EDA: variants seen among roughly 807,000 people sequenced by gnomAD.
EDA encodes ectodysplasin-A.
EDA carries 2 observed loss-of-function variants against 23.6 expected under a neutral mutation model. The observed-to-expected ratio is 0.08, with a 90% CI of 0.03 to 0.27. EDA has a LOEUF of 0.27. EDA is among the 10% of genes least tolerant of loss of function. EDA has a pLI of 1.00. For synonymous variants in EDA, 131 were observed against 132.0 expected (o/e 0.99, Z 0.05); for missense variants, 229 against 324.2 (o/e 0.71, Z 2.26).
chrX:69,882,637 T>C (rs184000462), intron 1 of EDA, among the ~76,000 whole-genome samples: 1 of 111,906 alleles, frequency 8.9e-6, no homozygotes, highest in East Asian at 2.8e-4. Context: ...CTAAAGTAAC[T>C]TCCAACTTAC....
intron 1 of EDA, among the ~76,000 whole-genome samples, chrX:69,718,265 T>A (rs2147339755): frequency 9.0e-6 from 1 of 111,539 alleles, no homozygotes; most frequent in Non-Finnish European, 1.9e-5. Flanking sequence ...GTTTTCTTTC[T>A]TTCTTTCTTT....
chrX:69,720,000 G>A (rs748398239), intron 1 of EDA, among the ~76,000 whole-genome samples: 81 of 110,484 alleles, frequency 7.3e-4, no homozygotes, highest in Non-Finnish European at 1.3e-3. Flanking sequence ...CGCCTGCCTC[G>A]GCCTCCCAAA....
In EDA at chrX:70,036,301, C is replaced by A. The variant is rs1242496503; in HGVS notation, c.*692C>A. 1.8e-5 allele frequency: 2 copies of A among 112,320 alleles called. No homozygotes were observed. Among genetic ancestry groups the A allele is most frequent in the African/African-American group, 3.3e-5 (1 of 30,751 alleles). 9.3% of individuals were successfully genotyped at this position (112,320 alleles called of 1,213,427 possible). A position where few individuals can be genotyped will look rare whatever the true frequency, so the allele number is the denominator to read the frequency against. On this transcript the variant is annotated 3_prime_UTR_variant, in exon 8 of 8. Transcript: ENST00000374552. The stretch of plus-strand genomic sequence containing the variant: ...ACAATCACAGGGAATGGCCACAAAC[C>A]TGCCCGCCTAAGACCCTGAATCCGT...
intron 1 of EDA, among the ~76,000 whole-genome samples, chrX:69,863,625 A>G (rs1343231349): frequency 1.4e-5 from 1 of 70,081 alleles, no homozygotes; most frequent in East Asian, 3.6e-4. Flanking sequence ...ATATGTGTGT[A>G]TTTATGTGTG....
rs1371450179 is a variant in EDA, at chrX:70,035,680, G to A, written c.*71G>A. On this transcript the variant is annotated 3_prime_UTR_variant, in exon 8 of 8. Coordinates refer to ENST00000374552, the MANE Select transcript of EDA (RefSeq NM_001399.5). ...GAGCCAGGACTCCCAGAACCTCTAA[G>A]TGCTGCTGTGGAGTGAGGTGTATTG... The A allele has an allele frequency of 8.7e-7, 1 of 1,146,818 alleles. No individual in the cohort carries two copies. Among genetic ancestry groups the A allele is most frequent in the African/African-American group, 1.8e-5 (1 of 54,375 alleles). The allele number at this position is 1,146,818 out of a possible 1,213,427, so 94.5% of individuals were successfully genotyped here.
At chrX:69,775,050 A>G (rs1421689354) in intron 1 of EDA, among the ~76,000 whole-genome samples, 6 of 111,894 alleles carry the variant, frequency 5.4e-5, no homozygotes, top group Non-Finnish European at 9.4e-5. Context: ...AAAAATCATT[A>G]TATGTGTATT....
At chrX:69,637,702 T>C (rs929820366) in intron 1 of EDA, among the ~76,000 whole-genome samples, 1 of 111,372 alleles carries the variant, frequency 9.0e-6, no homozygotes, top group Non-Finnish European at 1.9e-5. Context: ...AAAGATAATA[T>C]CGACTCTATA....
chrX:69,732,095 G>T (rs1451539032), intron 1 of EDA, among the ~76,000 whole-genome samples: 2 of 110,220 alleles, frequency 1.8e-5, no homozygotes, highest in Non-Finnish European at 3.8e-5. Context: ...TTTTATTGAA[G>T]ATTTATTTAT....
rs887867237 is a variant in EDA, at chrX:69,953,360, C to A, written c.397-3667C>A. ...ATCACAATGAAACAGTACTTCACAT[C>A]CACCAGAATGGTGGATTGATTAAAA... is the stretch of plus-strand genomic sequence containing the variant. On this transcript the variant is annotated intron_variant, in intron 1 of 7. Coordinates refer to ENST00000374552, the MANE Select transcript of EDA (RefSeq NM_001399.5). 8.0e-5 allele frequency among the ~76,000 whole-genome samples: 9 copies of A among 112,119 alleles called. No individual in the cohort carries two copies. In the Admixed American group the frequency reaches 8.5e-4, roughly 11 times the overall value.
chrX:69,989,658 A>G (rs1000516470), intron 2 of EDA, among the ~76,000 whole-genome samples: 2 of 111,639 alleles, frequency 1.8e-5, no homozygotes, highest in African/African-American at 6.5e-5. Context: ...TAATCTCAGC[A>G]AAGAAATAGA....
At chrX:70,001,196 A>T (rs1425300107) in intron 2 of EDA, among the ~76,000 whole-genome samples, 1 of 111,648 alleles carries the variant, frequency 9.0e-6, no homozygotes, top group Non-Finnish European at 1.9e-5. Flanking sequence ...TGGAGTACAT[A>T]CAAACTGAAC....
chrX:69,619,850 A>G (rs543465631), intron 1 of EDA, among the ~76,000 whole-genome samples: 1 of 112,171 alleles, frequency 8.9e-6, no homozygotes, highest in African/African-American at 3.2e-5. Context: ...ATCATCAGGA[A>G]GGGTGTCAAA....
chrX:69,961,284 T>C (rs1055835155), intron 2 of EDA, among the ~76,000 whole-genome samples: 2 of 111,207 alleles, frequency 1.8e-5, no homozygotes, highest in Non-Finnish European at 3.8e-5. Flanking sequence ...CTAGACTTTC[T>C]TTCTAGGAAC....
chrX:69,624,717 G>T (rs1932315386), intron 1 of EDA, among the ~76,000 whole-genome samples: 1 of 106,583 alleles, frequency 9.4e-6, no homozygotes, highest in South Asian at 4.2e-4. Flanking sequence ...TTTCCCCTTG[G>T]GAGTTCTCCC....
intron 1 of EDA, among the ~76,000 whole-genome samples, chrX:69,679,471 G>A (rs1012096511): frequency 1.1e-4 from 12 of 111,565 alleles, no homozygotes; most frequent in Admixed American, 9.5e-5. Flanking sequence ...GGGTTGGTAA[G>A]CTATTGATTA....
At chrX:69,992,427 A>G (rs750555818) in intron 2 of EDA, among the ~76,000 whole-genome samples, 2 of 112,497 alleles carry the variant, frequency 1.8e-5, no homozygotes, top group South Asian at 7.4e-4. Context: ...TGCTTTTTTC[A>G]CAGAATATCA....
intron 1 of EDA, among the ~76,000 whole-genome samples, chrX:69,705,419 A>T (rs368120981): frequency 9.1e-6 from 1 of 110,410 alleles, no homozygotes; most frequent in African/African-American, 3.3e-5. Flanking sequence ...TCACAACATC[A>T]TCTATTCTCT....
intron 1 of EDA, among the ~76,000 whole-genome samples, chrX:69,755,490 C>A (rs1337196113): frequency 1.8e-5 from 2 of 112,114 alleles, no homozygotes; most frequent in Admixed American, 1.9e-4. Flanking sequence ...AGGTGTCTCC[C>A]AGTTAGGCTA....
At position 69,682,065 on chromosome X, in the gene EDA, G is replaced by C. The variant is rs750984689; in HGVS notation, c.396+65361G>C. 2.7e-5 allele frequency among the ~76,000 whole-genome samples: 3 copies of C among 111,609 alleles called. No homozygotes were observed. The East Asian group carries it at 8.6e-4, about 32-fold the overall frequency. ...AGACAGGACCCTCAGCTGCAGGTCTGTTGGAGTACCTGGCCGTGTGAGGTG... is the reference window on the plus strand; with the variant it reads ...AGACAGGACCCTCAGCTGCAGGTCTCTTGGAGTACCTGGCCGTGTGAGGTG... On this transcript the variant is annotated intron_variant, in intron 1 of 7. Coordinates refer to ENST00000374552, the MANE Select transcript of EDA (RefSeq NM_001399.5).
Sources: allele counts gnomAD v4.1 joint callset (sites outside exome capture counted in the v4.1 genomes callset), GRCh38; gene constraint gnomAD v4.1.1; transcripts MANE v1.5; gene names NCBI Gene and HGNC (gene_info 2026-07-23, HGNC 2026-07-21).